Variants in SHROOM3 observed in about 807,000 individuals in gnomAD.
SHROOM3 encodes the protein protein Shroom3.
In SHROOM3, 47 loss-of-function variants were observed where a neutral mutation model predicts 138.6. The ratio of observed to expected loss-of-function variants is 0.34; its 90% confidence interval spans 0.27 to 0.43. The LOEUF is 0.43. Among genes scored for constraint, SHROOM3 ranks in the 20% least tolerant of loss-of-function variants. The pLI, the probability that SHROOM3 is intolerant of heterozygous loss-of-function variation, is 1.00. For missense variants in SHROOM3, 2,491 were observed against 2,596.5 expected (o/e 0.96, Z 0.88); for synonymous variants, 1,062 against 1,063.3 (o/e 1.00, Z 0.02).
intron 5 of SHROOM3, among the ~76,000 whole-genome samples, chr4:76,745,937 C>T (rs555647821): frequency 6.6e-6 from 1 of 152,280 alleles, no homozygotes; most frequent in South Asian, 2.1e-4. Flanking sequence ...GCTGAGATAG[C>T]GCCACTTCCC....
chr4:76,556,302 G>A (rs1337441655), intron 2 of SHROOM3, among the ~76,000 whole-genome samples: 4 of 152,146 alleles, frequency 2.6e-5, no homozygotes, highest in Non-Finnish European at 2.9e-5. Flanking sequence ...TTGTACTCCC[G>A]GGAACCAACC....
intron 1 of SHROOM3, among the ~76,000 whole-genome samples, chr4:76,472,744 G>T (rs980331326): frequency 6.6e-6 from 1 of 151,596 alleles, no homozygotes; most frequent in Non-Finnish European, 1.5e-5. Flanking sequence ...GCCCACGCTG[G>T]AGTGCAGTGG....
chr4:76,639,218 T>A (rs1374411049), intron 2 of SHROOM3, among the ~76,000 whole-genome samples: 2 of 152,172 alleles, frequency 1.3e-5, no homozygotes, highest in African/African-American at 2.4e-5. Flanking sequence ...GAGTACCTAA[T>A]AAACCCATGT....
At chr4:76,439,816 C>T (rs577266534) in intron 1 of SHROOM3, among the ~76,000 whole-genome samples, 11 of 152,196 alleles carry the variant, frequency 7.2e-5, no homozygotes, top group African/African-American at 1.9e-4. Context: ...AATGAATGGC[C>T]GTAAAGGATC....
At chr4:76,610,397 AC>A (rs1286367468) in intron 2 of SHROOM3, among the ~76,000 whole-genome samples, 1 of 152,226 alleles carries the variant, frequency 6.6e-6, no homozygotes, top group Non-Finnish European at 1.5e-5. Context: ...ATTTTTAGTA[AC>A]CTTTAGCAGA....
Position 76,754,662 on chromosome 4 carries a change from C to A in SHROOM3, c.4179C>A (p.Thr1393=). 1.2e-6 allele frequency: 2 copies of A among 1,614,192 alleles called. No individual in the cohort carries two copies. Among genetic ancestry groups the A allele is most frequent in the Non-Finnish European group, 1.7e-6 (2 of 1,180,022 alleles). Residue 1393 remains threonine, a synonymous_variant, in exon 7 of 11, where the codon ACC becomes ACA. Transcript: ENST00000296043. ...PAMMHRSNGH[T]LTQPPGPRGC... ...TGATGCACAGAAGCAATGGTCACAC[C>A]CTGACCCAGCCTCCCGGTCCAAGAG...
chr4:76,698,874 T>C (rs344118), intron 2 of SHROOM3, among the ~76,000 whole-genome samples: 152,151 of 152,300 alleles, frequency 1, 76,003 homozygotes, highest in Middle Eastern at 1. Flanking sequence ...CCCTATATTT[T>C]CTGTTCTTAT....
chr4:76,612,010 C>G (rs1339125853), intron 2 of SHROOM3, among the ~76,000 whole-genome samples: 3 of 152,204 alleles, frequency 2.0e-5, no homozygotes, highest in South Asian at 2.1e-4. Flanking sequence ...AAAACTTGCT[C>G]AGACACAGTT....
chr4:76,476,365 C>G (rs567115140), intron 1 of SHROOM3, among the ~76,000 whole-genome samples: 2 of 152,190 alleles, frequency 1.3e-5, no homozygotes, highest in African/African-American at 4.8e-5. Flanking sequence ...ACTAAGCACT[C>G]AAGGTCTGGC....
intron 1 of SHROOM3, among the ~76,000 whole-genome samples, chr4:76,528,310 GTCTT>G (rs1413175733): frequency 4.7e-5 from 7 of 147,862 alleles, no homozygotes; most frequent in Admixed American, 2.7e-4. Flanking sequence ...AGTCAACTTA[GTCTT>G]TCTTTCTTTC....
chr4:76,552,025 C>A (rs1468793674), intron 1 of SHROOM3, among the ~76,000 whole-genome samples: 1 of 74,956 alleles, frequency 1.3e-5, no homozygotes, highest in Non-Finnish European at 2.7e-5. Flanking sequence ...TCACGCCCGG[C>A]TAATTTTTTG....
chr4:76,766,083 C>T (rs888100392), intron 9 of SHROOM3, among the ~76,000 whole-genome samples: 5 of 152,186 alleles, frequency 3.3e-5, no homozygotes, highest in African/African-American at 7.2e-5. Flanking sequence ...GGCTCTGTCA[C>T]GTACCAGCTG....
chr4:76,732,364 T>A (rs1001750926), intron 4 of SHROOM3, among the ~76,000 whole-genome samples: 3 of 152,198 alleles, frequency 2.0e-5, no homozygotes, highest in African/African-American at 7.2e-5. Context: ...GTCACAGCCC[T>A]TAATACTCAT....
intron 1 of SHROOM3, among the ~76,000 whole-genome samples, chr4:76,539,300 A>G (rs1330955584): frequency 6.6e-6 from 1 of 152,038 alleles, no homozygotes; most frequent in Admixed American, 6.6e-5. Context: ...TTTTATTTCT[A>G]GCTTCTATCA....
chr4:76,539,992 G>A (rs1360283128), intron 1 of SHROOM3, among the ~76,000 whole-genome samples: 1 of 152,140 alleles, frequency 6.6e-6, no homozygotes, highest in Non-Finnish European at 1.5e-5. Context: ...GTATTACAGG[G>A]GTGCGGCACC....
intron 1 of SHROOM3, 74 bp from the exon 2 acceptor site, chr4:76,555,535 G>A: frequency 6.2e-7 from 1 of 1,603,850 alleles, no homozygotes. Context: ...TCTAAGCTGG[G>A]CTCGGGATAG....
intron 1 of SHROOM3, among the ~76,000 whole-genome samples, chr4:76,452,627 C>T (rs1730948495): frequency 6.6e-6 from 1 of 152,172 alleles, no homozygotes; most frequent in Admixed American, 6.5e-5. Flanking sequence ...GTTGTTTATT[C>T]ATTTATCCAT....
chr4:76,738,720 A>T, intron 4 of SHROOM3, 41 bp from the exon 5 acceptor site: 3 of 1,610,088 alleles, frequency 1.9e-6, no homozygotes, highest in Non-Finnish European at 2.5e-6. Flanking sequence ...CTACTAAATG[A>T]TAACAGCTCA....
intron 1 of SHROOM3, among the ~76,000 whole-genome samples, chr4:76,477,050 C>T (rs1383599829): frequency 2.0e-5 from 3 of 152,206 alleles, no homozygotes; most frequent in Non-Finnish European, 4.4e-5. Context: ...TCACTGCAAG[C>T]TCTGCCTCCT....
Sources: allele counts gnomAD v4.1 joint callset (sites outside exome capture counted in the v4.1 genomes callset), GRCh38; gene constraint gnomAD v4.1.1; transcripts MANE v1.5; gene names NCBI Gene and HGNC (gene_info 2026-07-23, HGNC 2026-07-21).